The following NRXN1 variants were observed in gnomAD, a reference collection of about 807,000 sequenced individuals.
NRXN1 encodes the protein neurexin 1.
A neutral mutation model predicts 150.9 loss-of-function variants in NRXN1; 39 were observed. The observed-to-expected ratio is 0.26, with a 90% CI of 0.20 to 0.34. The LOEUF is 0.34. Among genes scored for constraint, NRXN1 ranks in the 10% least tolerant of loss-of-function variants. The pLI, the probability that NRXN1 is intolerant of heterozygous loss-of-function variation, is 1.00. For missense variants in NRXN1, 1,815 were observed against 1,949.9 expected, an observed-to-expected ratio of 0.93 and a Z score of 1.30; for synonymous variants, 924 against 757.0, an observed-to-expected ratio of 1.22 and a Z score of -3.62.
At chr2:50,038,190 C>T (rs1690345243) in intron 21 of NRXN1, among the ~76,000 whole-genome samples, 1 of 152,206 alleles carries the variant, frequency 6.6e-6, no homozygotes, top group South Asian at 2.1e-4. Flanking sequence ...TGACATCCCT[C>T]TACTCTGTGA....
chr2:50,242,819 T>C lies in NRXN1; in HGVS notation c.3365-5849A>G, dbSNP rs75720791. On this transcript the variant is annotated intron_variant, in intron 17 of 22. Coordinates refer to ENST00000401669, the MANE Select transcript of NRXN1 (RefSeq NM_001330078.2). ...AATGTGTTATAACTAGCTAAAGAGA[T>C]TGGAGAATTAGACAGATTTTTAATC... 9.3e-3 allele frequency among the ~76,000 whole-genome samples: 1,411 copies of C among 151,540 alleles called. 13 individuals are homozygous for C. The highest frequency in any genetic ancestry group is 0.033 in the African/African-American group (1,350 of 41,392).
intron 5 of NRXN1, among the ~76,000 whole-genome samples, chr2:50,900,131 A>G (rs1364681855): frequency 1.3e-5 from 2 of 152,216 alleles, no homozygotes; most frequent in South Asian, 2.1e-4. Context: ...AAAAGAAATA[A>G]TATCTCCCCA....
intron 17 of NRXN1, among the ~76,000 whole-genome samples, chr2:50,286,648 C>T (rs547686476): frequency 6.6e-6 from 1 of 152,086 alleles, no homozygotes; most frequent in South Asian, 2.1e-4. Context: ...AAACAAACAG[C>T]CAATTCATCA....
intron 8 of NRXN1, among the ~76,000 whole-genome samples, chr2:50,593,170 T>G (rs569670802): frequency 6.6e-6 from 1 of 152,304 alleles, no homozygotes; most frequent in Non-Finnish European, 1.5e-5. Flanking sequence ...ACTTATAAAC[T>G]TAAGCATGAT....
chr2:50,150,792 T>C (rs2058652284), intron 18 of NRXN1, among the ~76,000 whole-genome samples: 1 of 151,682 alleles, frequency 6.6e-6, no homozygotes, highest in Admixed American at 6.6e-5. Context: ...ATTGCTATGT[T>C]CTTACATGAC....
In NRXN1 at chr2:50,965,273, C is replaced by G. The variant is rs959994408; in HGVS notation, c.773-39318G>C. On this transcript the variant is annotated intron_variant, in intron 2 of 22. Coordinates refer to ENST00000401669, the MANE Select transcript of NRXN1 (RefSeq NM_001330078.2). ...GAGATTTCAAGCTCTTGGACACTAA[C>G]ATTTTTATCTCATGGAGAGACATTA... Among the ~76,000 whole-genome samples the G allele has an allele frequency of 2.0e-5, 3 of 151,268 alleles. No individual in the cohort carries two copies. In the East Asian group the frequency reaches 5.8e-4, roughly 29 times the overall value.
At chr2:49,969,442 G>C (rs992260666) in intron 21 of NRXN1, among the ~76,000 whole-genome samples, 3 of 151,822 alleles carry the variant, frequency 2.0e-5, no homozygotes, top group Non-Finnish European at 2.9e-5. Context: ...TAAATAAAGT[G>C]CTTTAAAAAA....
At chr2:50,714,470 G>T (rs533336899) in intron 5 of NRXN1, among the ~76,000 whole-genome samples, 2 of 152,194 alleles carry the variant, frequency 1.3e-5, no homozygotes, top group African/African-American at 4.8e-5. Context: ...CTGCTACTCA[G>T]TTCATCTTGG....
At chr2:50,712,653 C>G (rs374331045) in intron 5 of NRXN1, among the ~76,000 whole-genome samples, 3 of 152,186 alleles carry the variant, frequency 2.0e-5, no homozygotes, top group South Asian at 2.1e-4. Flanking sequence ...CAACAGGGTT[C>G]TCACTTTGCT....
intron 17 of NRXN1, among the ~76,000 whole-genome samples, chr2:50,270,881 A>G (rs997216542): frequency 3.3e-5 from 5 of 151,950 alleles, no homozygotes; most frequent in Non-Finnish European, 7.4e-5. Flanking sequence ...CTGGTGGCGA[A>G]CTCCTAACCT....
chr2:50,460,757 A>G (rs890358295), intron 17 of NRXN1, among the ~76,000 whole-genome samples: 3 of 151,962 alleles, frequency 2.0e-5, no homozygotes, highest in Non-Finnish European at 4.4e-5. Flanking sequence ...GGCAGGTCTG[A>G]CCCTGTTTCC....
At chr2:50,961,786 G>C (rs1476326751) in intron 2 of NRXN1, among the ~76,000 whole-genome samples, 1 of 151,580 alleles carries the variant, frequency 6.6e-6, no homozygotes. Flanking sequence ...TTGAATCAGG[G>C]TCAACAAGGA....
intron 19 of NRXN1, among the ~76,000 whole-genome samples, chr2:50,068,984 A>G (rs914339477): frequency 1.3e-5 from 2 of 152,146 alleles, no homozygotes; most frequent in Non-Finnish European, 2.9e-5. Context: ...TTTTAAGTCA[A>G]TGGGAACAAC....
chr2:50,828,397 T>G (rs1019960045), intron 5 of NRXN1, among the ~76,000 whole-genome samples: 1 of 145,138 alleles, frequency 6.9e-6, no homozygotes, highest in South Asian at 2.3e-4. Context: ...CCAGACGGGG[T>G]GGCTGCCGGG....
chr2:50,509,923 T>C (rs2092385386), intron 12 of NRXN1, among the ~76,000 whole-genome samples: 1 of 152,070 alleles, frequency 6.6e-6, no homozygotes, highest in South Asian at 2.1e-4. Flanking sequence ...TGGAGTCCCA[T>C]GATGGGATAG....
intron 17 of NRXN1, among the ~76,000 whole-genome samples, chr2:50,436,297 T>C (rs1490279184): frequency 1.3e-5 from 2 of 151,962 alleles, no homozygotes; most frequent in Admixed American, 1.3e-4. Flanking sequence ...CTACTAAAAA[T>C]ACAAAATTAG....
Position 50,421,118 on chromosome 2 carries a change from G to A in NRXN1, c.3364+44324C>T, listed in dbSNP as rs1189889742. Among the ~76,000 whole-genome samples the A allele has an allele frequency of 5.3e-5, 8 of 151,626 alleles. No individual in the cohort carries two copies. The East Asian group carries it at 1.5e-3, about 29-fold the overall frequency. On this transcript the variant is annotated intron_variant, in intron 17 of 22. Coordinates refer to ENST00000401669, the MANE Select transcript of NRXN1 (RefSeq NM_001330078.2). ...AGGTGGGAGAGGAGACATTAATAAT[G>A]CAGAAATTTTTTTTTCCGGGTATTT...
At chr2:50,828,393 G>C (rs946376250) in intron 5 of NRXN1, among the ~76,000 whole-genome samples, 10 of 151,656 alleles carry the variant, frequency 6.6e-5, no homozygotes, top group Non-Finnish European at 1.2e-4. Flanking sequence ...CCTCCCAGAC[G>C]GGGTGGCTGC....
Position 50,651,633 on chromosome 2 carries a change from A to G in NRXN1, c.833-28018T>C, listed in dbSNP as rs75544411. On this transcript the variant is annotated intron_variant, in intron 5 of 22. Transcript: ENST00000401669. ...TAAACATGCACTGCACTCCGGCCTGAATGACACAGTAAAACTCTATCTCAA... is the reference window on the plus strand; with the variant it reads ...TAAACATGCACTGCACTCCGGCCTGGATGACACAGTAAAACTCTATCTCAA... 8.0e-3 allele frequency among the ~76,000 whole-genome samples: 1,210 copies of G among 152,106 alleles called. 16 individuals are homozygous for G. The highest frequency in any genetic ancestry group is 0.027 in the African/African-American group (1,122 of 41,530).
Sources: gnomAD v4.1 joint callset for allele counts (sites outside exome capture counted in the v4.1 genomes callset) on GRCh38, gnomAD v4.1.1 for gene constraint, MANE v1.5 for transcripts, NCBI Gene and HGNC (gene_info 2026-07-23, HGNC 2026-07-21) for gene names.